The following RNF19B variants were observed in gnomAD, a reference collection of about 807,000 sequenced individuals.
RNF19B encodes ring finger protein 19B, also known as E3 ubiquitin-protein ligase RNF19B.
In RNF19B, 23 loss-of-function variants were observed where a neutral mutation model predicts 65.5. The observed-to-expected ratio is 0.35, with a 90% CI of 0.25 to 0.50. The LOEUF is 0.50. RNF19B is among the 20% of genes least tolerant of loss of function. The pLI is 0.98. For missense variants in RNF19B, 794 were observed against 980.0 expected (o/e 0.81, Z 2.53); for synonymous variants, 372 against 379.6 (o/e 0.98, Z 0.23).
At chr1:32,962,273 T>C (rs1343893399) in intron 1 of RNF19B, among the ~76,000 whole-genome samples, 3 of 152,202 alleles carry the variant, frequency 2.0e-5, no homozygotes, top group Non-Finnish European at 2.9e-5. Flanking sequence ...CTGGCCTGTG[T>C]TCTCTTAATA....
At chr1:32,951,979 A>G (rs1411818343) in intron 1 of RNF19B, among the ~76,000 whole-genome samples, 19 of 79,870 alleles carry the variant, frequency 2.4e-4, no homozygotes, top group Admixed American at 2.1e-3. Flanking sequence ...TTTTTTTTTT[A>G]GTAGAGACAG....
intron 7 of RNF19B, among the ~76,000 whole-genome samples, chr1:32,940,854 A>G (rs1313429506): frequency 6.6e-6 from 1 of 152,240 alleles, no homozygotes; most frequent in Non-Finnish European, 1.5e-5. Context: ...AAAGCTTTAC[A>G]TATTTTCAAC....
At chr1:32,936,108 T>G (rs1160871827), downstream of RNF19B, among the ~76,000 whole-genome samples, 2 of 152,182 alleles carry the variant, frequency 1.3e-5, no homozygotes, top group Non-Finnish European at 2.9e-5. Flanking sequence ...CTGAAGCATA[T>G]GACTACTAGT....
At chr1:32,944,240 C>A in intron 5 of RNF19B, 81 bp from the exon 6 acceptor site, 1 of 1,453,558 alleles carries the variant, frequency 6.9e-7, no homozygotes, top group Non-Finnish European at 9.3e-7. Flanking sequence ...TGGGCATGGA[C>A]AAACCACTTT....
At position 32,945,603 on chromosome 1, in the gene RNF19B, T is replaced by C; in HGVS notation, c.1172A>G (p.Lys391Arg). The change falls in exon 5 of 9, where the codon AAA becomes AGA. Residue 391 changes from lysine to arginine, a missense_variant. Physicochemically the swap from Lys to Arg is conservative, Grantham distance 26. Coordinates refer to ENST00000235150, the MANE Select transcript of RNF19B (RefSeq NM_001300826.2). ...CAAATTCCTCTTGTGTTTGGAGGTTTTCCTTCCCTCATACCTGCTGTGAAT... is the reference window on the plus strand; with the variant it reads ...CAAATTCCTCTTGTGTTTGGAGGTTCTCCTTCCCTCATACCTGCTGTGAAT... ...RKIHSRYEGR[K>R]TSKHKRNLAI... 1.9e-6 allele frequency: 3 copies of C among 1,613,098 alleles called. 1 individual carries two copies. In the South Asian group the frequency reaches 3.3e-5, roughly 18 times the overall value.
intron 3 of RNF19B, among the ~76,000 whole-genome samples, chr1:32,947,545 G>C (rs1031885698): frequency 6.6e-6 from 1 of 151,894 alleles, no homozygotes; most frequent in African/African-American, 2.4e-5. Flanking sequence ...TGTAATCCCA[G>C]CTACTTAGGA....
chr1:32,949,843 CAG>C (rs1279885510), intron 1 of RNF19B, 69 bp from the exon 2 acceptor site: 25 of 1,245,604 alleles, frequency 2.0e-5, no homozygotes, highest in Non-Finnish European at 4.6e-6. Flanking sequence ...CATTATTCAT[CAG>C]AGTTAACAAT....
chr1:32,943,060 G>A (rs910709514), intron 6 of RNF19B, among the ~76,000 whole-genome samples: 5 of 150,926 alleles, frequency 3.3e-5, no homozygotes, highest in East Asian at 3.9e-4. Flanking sequence ...AGAATGACGC[G>A]AACCCAGGAG....
chr1:32,949,892 A>C, intron 1 of RNF19B, 118 bp from the exon 2 acceptor site: 1 of 715,882 alleles, frequency 1.4e-6, no homozygotes, highest in Non-Finnish European at 2.4e-6. Flanking sequence ...TGATACAGAG[A>C]AAAGAATACA....
chr1:32,948,376 G>C lies in RNF19B; in HGVS notation c.842-13C>G. On this transcript the variant is annotated splice_polypyrimidine_tract_variant and intron_variant, in intron 2 of 8. Coordinates refer to ENST00000235150, the MANE Select transcript of RNF19B (RefSeq NM_001300826.2). ...GGCTTGATGTCATCTGCTATGAGTG[G>C]GGGAAGAATGGGTAGAAAAAATACC... The C allele has an allele frequency of 6.2e-7, 1 of 1,607,152 alleles. No individual in the cohort carries two copies.
At chr1:32,939,386 C>G (rs1276773617) in intron 7 of RNF19B, among the ~76,000 whole-genome samples, 1 of 152,112 alleles carries the variant, frequency 6.6e-6, no homozygotes, top group South Asian at 2.1e-4. Context: ...TGGGGTTTTA[C>G]CATGTTGGCC....
chr1:32,957,645 C>A (rs940981473), intron 1 of RNF19B, among the ~76,000 whole-genome samples: 9 of 152,084 alleles, frequency 5.9e-5, no homozygotes, highest in African/African-American at 2.2e-4. Context: ...CCCAGCCTGG[C>A]CAACATGGTG....
At chr1:32,929,373 C>A in the RNF19B span, among the ~76,000 whole-genome samples, 1 of 152,132 alleles carries the variant, frequency 6.6e-6, no homozygotes, top group Non-Finnish European at 1.5e-5. Context: ...AATAAGGGCA[C>A]ATTTTGAGGT....
At chr1:32,957,909 CCT>C (rs1221650277) in intron 1 of RNF19B, among the ~76,000 whole-genome samples, 19 of 152,308 alleles carry the variant, frequency 1.2e-4, no homozygotes, top group African/African-American at 4.6e-4. Context: ...CTCTATTCTT[CCT>C]CTGAGAACTA....
the RNF19B span, among the ~76,000 whole-genome samples, chr1:32,931,319 C>A: frequency 6.6e-6 from 1 of 152,120 alleles, no homozygotes; most frequent in South Asian, 2.1e-4. Context: ...GGTTTGCCTT[C>A]CAGAAGCATA....
At chr1:32,934,291 CAG>C (rs1442616554), downstream of RNF19B, among the ~76,000 whole-genome samples, 2 of 152,196 alleles carry the variant, frequency 1.3e-5, no homozygotes, top group African/African-American at 2.4e-5. Context: ...TGAAAGGAAA[CAG>C]AAAGTCATCT....
chr1:32,944,019 C>T lies in RNF19B; in HGVS notation c.1402G>A (p.Val468Met). Reference sequence around the variant, plus strand: ...TGGAAATAAACATCCTGCTTTTTACCTGTGATTGGACCATCATCTTCATCA... The same window carrying T: ...TGGAAATAAACATCCTGCTTTTTACTTGTGATTGGACCATCATCTTCATCA... ...EFDEDDGPITVADAWRALKNP... is the reference protein window; with the variant it reads ...EFDEDDGPITMADAWRALKNP... Residue 468 changes from valine (V) to methionine (M), a missense_variant and splice_region_variant, in exon 6 of 9, where the codon GTG becomes ATG. Val to Met is a conservative substitution (Grantham distance 21). Transcript: ENST00000235150. 6.2e-7 allele frequency: 1 copy of T among 1,600,024 alleles called. No homozygotes were observed. The highest frequency in any genetic ancestry group is 1.7e-5 in the Admixed American group (1 of 57,778).
chr1:32,942,164 G>A (rs536834947), intron 7 of RNF19B, 88 bp downstream of exon 7: 8 of 1,037,130 alleles, frequency 7.7e-6, no homozygotes, highest in East Asian at 4.9e-5. Context: ...AAGATGATAC[G>A]TGGCACAAGC....
chr1:32,948,382 G>C lies in RNF19B; in HGVS notation c.842-19C>G. The C allele has an allele frequency of 6.2e-7, 1 of 1,605,820 alleles. No individual in the cohort carries two copies. Among genetic ancestry groups the C allele is most frequent in the African/African-American group, 1.3e-5 (1 of 74,830 alleles). On this transcript the variant is annotated intron_variant, in intron 2 of 8. Transcript: ENST00000235150. ...ATGTCATCTGCTATGAGTGGGGGAAGAATGGGTAGAAAAAATACCCCTAGT... is the reference window on the plus strand; with the variant it reads ...ATGTCATCTGCTATGAGTGGGGGAACAATGGGTAGAAAAAATACCCCTAGT...
Sources: gnomAD v4.1 joint callset for allele counts (sites outside exome capture counted in the v4.1 genomes callset) on GRCh38, gnomAD v4.1.1 for gene constraint, MANE v1.5 for transcripts, NCBI Gene and HGNC (gene_info 2026-07-23, HGNC 2026-07-21) for gene names.